PRUNE2: variants seen among roughly 807,000 people sequenced by gnomAD.
The protein encoded by PRUNE2 is prune homolog 2 with BCH domain.
PRUNE2 carries 164 observed loss-of-function variants against 252.0 expected under a neutral mutation model. That is an observed-to-expected ratio of 0.65 (90% CI 0.57 to 0.74). The LOEUF is 0.74. Ranked by LOEUF, PRUNE2 falls within the 30% of genes least tolerant of loss-of-function variation. The probability of loss-of-function intolerance (pLI) is 0.00; values close to 1 mark genes in which losing one functional copy is unlikely to be tolerated. For synonymous variants in PRUNE2, 1,292 were observed against 1,350.2 expected (o/e 0.96, Z 0.94); for missense variants, 3,495 against 3,711.0 (o/e 0.94, Z 1.51).
At chr9:76,722,224 A>ATTTTTTTTTTTTTTTTTT (rs57390775) in intron 6 of PRUNE2, among the ~76,000 whole-genome samples, 2 of 130,558 alleles carry the variant, frequency 1.5e-5, no homozygotes. Context: ...ACACCCTGCT[A>ATTTTTTTTTTTTTTTTTT]TTTTTTTTTT....
chr9:76,738,198 T>C (rs928752948), intron 6 of PRUNE2: 1 of 152,010 alleles, frequency 6.6e-6, no homozygotes, highest in African/African-American at 2.4e-5. Context: ...GGAGAATCAC[T>C]GTGAGGGGAT....
At chr9:76,860,653 T>C (rs2060496685) in intron 1 of PRUNE2, among the ~76,000 whole-genome samples, 2 of 152,244 alleles carry the variant, frequency 1.3e-5, no homozygotes, top group Admixed American at 6.5e-5. Flanking sequence ...AAATAATTAA[T>C]TGAAACGAAT....
At chr9:76,669,860 C>T (rs542999527) in intron 9 of PRUNE2, among the ~76,000 whole-genome samples, 1 of 152,338 alleles carries the variant, frequency 6.6e-6, no homozygotes, top group South Asian at 2.1e-4. Flanking sequence ...CTTCTGCTCA[C>T]ATGGAATGGG....
At chr9:76,873,339 T>C (rs1476751983) in intron 1 of PRUNE2, among the ~76,000 whole-genome samples, 2 of 152,206 alleles carry the variant, frequency 1.3e-5, no homozygotes, top group Non-Finnish European at 2.9e-5. Context: ...TAAAAGTTTT[T>C]TTAAAAGAAG....
intron 9 of PRUNE2, among the ~76,000 whole-genome samples, chr9:76,699,780 A>C (rs1258526860): frequency 6.6e-6 from 1 of 152,262 alleles, no homozygotes; most frequent in Non-Finnish European, 1.5e-5. Context: ...AAACCCTAAC[A>C]TGTAACCAAA....
intron 4 of PRUNE2, among the ~76,000 whole-genome samples, chr9:76,831,318 A>G (rs2058665586): frequency 6.6e-6 from 1 of 152,192 alleles, no homozygotes; most frequent in Non-Finnish European, 1.5e-5. Flanking sequence ...ACACCAAAAG[A>G]AACAGTAAAG....
At chr9:76,713,821 T>G (rs1010779218) in intron 6 of PRUNE2, 100 bp from the exon 7 acceptor site, 7 of 734,780 alleles carry the variant, frequency 9.5e-6, no homozygotes, top group African/African-American at 1.8e-5. Flanking sequence ...TTAGGAGAGA[T>G]ATTTATTATT....
intron 6 of PRUNE2, among the ~76,000 whole-genome samples, chr9:76,748,210 T>C (rs1242760408): frequency 6.6e-6 from 1 of 152,200 alleles, no homozygotes; most frequent in African/African-American, 2.4e-5. Flanking sequence ...AGTAGATAAA[T>C]AAGCTTTGGG....
At chr9:76,859,572 G>A (rs917290280) in intron 1 of PRUNE2, among the ~76,000 whole-genome samples, 2 of 152,012 alleles carry the variant, frequency 1.3e-5, no homozygotes, top group Admixed American at 6.6e-5. Flanking sequence ...CCAATGCACC[G>A]AGAATAGCAA....
chr9:76,643,982 A>C (rs2132921152), intron 12 of PRUNE2, among the ~76,000 whole-genome samples: 1 of 152,258 alleles, frequency 6.6e-6, no homozygotes, highest in South Asian at 2.1e-4. Context: ...GTGGCACCTC[A>C]GGCTCGGGAA....
intron 1 of PRUNE2, among the ~76,000 whole-genome samples, chr9:76,891,336 G>A (rs2062460569): frequency 6.6e-6 from 1 of 152,186 alleles, no homozygotes; most frequent in Non-Finnish European, 1.5e-5. Flanking sequence ...ACTCTCAGCT[G>A]AAATGACTAT....
In PRUNE2 at chr9:76,708,763, G is replaced by T; in HGVS notation, c.3511C>A (p.Gln1171Lys). 1.9e-6 allele frequency: 3 copies of T among 1,613,962 alleles called. No homozygotes were observed. Among genetic ancestry groups the T allele is most frequent in the Non-Finnish European group, 2.5e-6 (3 of 1,179,892 alleles). Residue 1171 changes from glutamine to lysine, a missense_variant, in exon 8 of 19, where the codon CAG becomes AAG. Transcript: ENST00000376718. ...TACTCCAAGCCCCAGGGTTCCAGCT[G>T]TCTCACTGTAAATCGGGTTTCCGGC... is the stretch of plus-strand genomic sequence containing the variant. ...SEPETRFTVRQLEPWGLEYQE... is the reference protein window; with the variant it reads ...SEPETRFTVRKLEPWGLEYQE...
intron 6 of PRUNE2, among the ~76,000 whole-genome samples, chr9:76,745,060 G>A (rs183434864): frequency 6.7e-6 from 1 of 148,154 alleles, no homozygotes; most frequent in Non-Finnish European, 1.5e-5. Context: ...AGCAAAGAGG[G>A]GAGAAAACAG....
At position 76,709,265 on chromosome 9, in the gene PRUNE2, G is replaced by A; in HGVS notation, c.3009C>T (p.Ser1003=). The change falls in exon 8 of 19, where the codon TCC becomes TCT. Residue 1003 remains serine (S), a synonymous_variant. Coordinates refer to ENST00000376718, the MANE Select transcript of PRUNE2 (RefSeq NM_015225.3). ...EEGFESKDGN[S]TAEETDIPPQ... ...GAGGAATGTCAGTCTCCTCTGCCGT[G>A]GAGTTACCATCTTTTGACTCAAAAC... 1 of 1,613,510 alleles carries A rather than the reference G, an allele frequency of 6.2e-7. No homozygotes were observed. The highest frequency in any genetic ancestry group is 2.2e-5 in the East Asian group (1 of 44,868).
intron 1 of PRUNE2, among the ~76,000 whole-genome samples, chr9:76,896,583 C>T (rs7031918): frequency 0.18 from 27,353 of 152,128 alleles, 2,920 homozygotes; most frequent in African/African-American, 0.29. Flanking sequence ...CCTATTTCCC[C>T]TCCAATTCTG....
chr9:76,899,523 T>C (rs1208838024), intron 1 of PRUNE2, among the ~76,000 whole-genome samples: 1 of 152,066 alleles, frequency 6.6e-6, no homozygotes, highest in East Asian at 1.9e-4. Context: ...GGCCCTCCGT[T>C]TATTTATTTT....
chr9:76,892,064 C>CCA (rs1554829017), intron 1 of PRUNE2, among the ~76,000 whole-genome samples: 1 of 44,530 alleles, frequency 2.2e-5, no homozygotes, highest in Admixed American at 2.5e-4. Flanking sequence ...GAGAAAGTAG[C>CCA]CCCCCCAGCC....
chr9:76,838,513 C>T (rs2059193363), intron 4 of PRUNE2, among the ~76,000 whole-genome samples: 1 of 151,886 alleles, frequency 6.6e-6, no homozygotes, highest in Non-Finnish European at 1.5e-5. Context: ...GGCATGGTGG[C>T]AGATGCCTGT....
chr9:76,655,605 TTAAAA>T (rs1263557809), intron 9 of PRUNE2, 103 bp from the exon 10 acceptor site: 3 of 849,502 alleles, frequency 3.5e-6, no homozygotes, highest in East Asian at 5.3e-5. Flanking sequence ...TTCAACTCAC[TTAAAA>T]TAAACCATGT....
Sources: gnomAD v4.1 joint callset for allele counts (sites outside exome capture counted in the v4.1 genomes callset) on GRCh38, gnomAD v4.1.1 for gene constraint, MANE v1.5 for transcripts, NCBI Gene and HGNC (gene_info 2026-07-23, HGNC 2026-07-21) for gene names.